The following STK4 variants were observed in gnomAD, a reference collection of about 807,000 sequenced individuals.
STK4 encodes serine/threonine kinase 4.
STK4 carries 30 observed loss-of-function variants against 64.9 expected under a neutral mutation model. The observed-to-expected ratio is 0.46, with a 90% CI of 0.35 to 0.63. The LOEUF (loss-of-function observed/expected upper bound fraction) is 0.63. Among genes scored for constraint, STK4 ranks in the 20% least tolerant of loss-of-function variants. The pLI, the probability that STK4 is intolerant of heterozygous loss-of-function variation, is 0.01. For synonymous variants in STK4, 177 were observed against 199.0 expected (o/e 0.89, Z 0.93); for missense variants, 466 against 598.5 (o/e 0.78, Z 2.31).
chr20:44,966,671 G>A (rs546836149), intron 1 of STK4, 68 bp downstream of exon 1: 62 of 1,255,356 alleles, frequency 4.9e-5, no homozygotes, highest in Admixed American at 8.4e-5. Context: ...CTGGTTGAGG[G>A]GATACACCTG....
At position 45,077,196 on chromosome 20, in the gene STK4, G is replaced by A. The variant is rs1302777714; in HGVS notation, c.*2020G>A. On this transcript the variant is annotated 3_prime_UTR_variant, in exon 11 of 11. Transcript: ENST00000372806. ...GGGGGTCAATATTTACACAAAAAAG[G>A]AAAGTCACAAGCCTGTTTAAAATGA... 2.0e-5 allele frequency: 3 copies of A among 151,996 alleles called. No individual in the cohort carries two copies. The highest frequency in any genetic ancestry group is 4.4e-5 in the Non-Finnish European group (3 of 68,020). The allele number at this position is 151,996 out of a possible 1,614,324, so 9.4% of individuals were successfully genotyped here.
At chr20:44,982,136 C>T (rs2067452813) in intron 4 of STK4, among the ~76,000 whole-genome samples, 193 bp downstream of exon 4, 1 of 142,068 alleles carries the variant, frequency 7.0e-6, no homozygotes. Context: ...TTTCAAGAGA[C>T]CAGAGTCCCC....
At chr20:45,025,504 T>C (rs1389512390) in intron 10 of STK4, among the ~76,000 whole-genome samples, 1 of 152,216 alleles carries the variant, frequency 6.6e-6, no homozygotes, top group South Asian at 2.1e-4. Flanking sequence ...TCCTTGTTGT[T>C]TTGCTAACTA....
chr20:45,010,209 G>A (rs572545948), intron 9 of STK4, among the ~76,000 whole-genome samples: 2 of 152,072 alleles, frequency 1.3e-5, no homozygotes, highest in Admixed American at 6.6e-5. Context: ...TGGGATTACA[G>A]GTGCATGCCA....
Position 44,978,482 on chromosome 20 carries a change from C to A in STK4, c.156C>A (p.Thr52=), listed in dbSNP as rs777154289. The change falls in exon 3 of 11, where the codon ACC becomes ACA. Residue 52 remains threonine (T), a synonymous_variant. Coordinates refer to ENST00000372806, the MANE Select transcript of STK4 (RefSeq NM_006282.5). The part of the protein sequence containing the change: ...GSVYKAIHKE[T]GQIVAIKQVP... ...TATACAAAGCTATTCATAAAGAGAC[C>A]GGCCAGATTGTTGCTATTAAGCAAG... 3 of 1,613,856 alleles carry A rather than the reference C, an allele frequency of 1.9e-6. No individual in the cohort carries two copies. Among genetic ancestry groups the A allele is most frequent in the Non-Finnish European group, 2.5e-6 (3 of 1,179,966 alleles).
intron 3 of STK4, 66 bp downstream of exon 3, chr20:44,978,637 T>C (rs1223112078): frequency 1.3e-6 from 2 of 1,547,130 alleles, no homozygotes. Context: ...GTGTAGAGTT[T>C]GATACCTAGA....
At chr20:45,040,913 C>T (rs912767683) in intron 10 of STK4, among the ~76,000 whole-genome samples, 1 of 152,132 alleles carries the variant, frequency 6.6e-6, no homozygotes, top group Admixed American at 6.5e-5. Context: ...TATAATTACT[C>T]ATTTGTTTTT....
intron 5 of STK4, among the ~76,000 whole-genome samples, chr20:44,992,176 T>G (rs1403206870): frequency 6.6e-6 from 1 of 151,954 alleles, no homozygotes; most frequent in Non-Finnish European, 1.5e-5. Context: ...GTTTCTATCT[T>G]TGATGTCATG....
At chr20:45,043,407 C>A (rs2068644073) in intron 10 of STK4, among the ~76,000 whole-genome samples, 1 of 152,188 alleles carries the variant, frequency 6.6e-6, no homozygotes, top group Non-Finnish European at 1.5e-5. Context: ...TAGTTAAGAT[C>A]ATTGGAATCA....
At chr20:45,045,900 G>A (rs897474119) in intron 10 of STK4, among the ~76,000 whole-genome samples, 10 of 151,842 alleles carry the variant, frequency 6.6e-5, no homozygotes, top group South Asian at 4.2e-4. Flanking sequence ...TCTGCCTCCC[G>A]GGTTCAAATG....
At position 45,077,360 on chromosome 20, in the gene STK4, A is replaced by AT. The variant is rs1980592741; in HGVS notation, c.*2187dup. 6.6e-6 allele frequency: 1 copy of AT among 151,940 alleles called. No homozygotes were observed. The highest frequency in any genetic ancestry group is 2.4e-5 in the African/African-American group (1 of 41,386). 9.4% of individuals were successfully genotyped at this position (151,940 alleles called of 1,614,324 possible). A position where few individuals can be genotyped will look rare whatever the true frequency, so the allele number is the denominator to read the frequency against. On this transcript the variant is annotated 3_prime_UTR_variant, in exon 11 of 11. Coordinates refer to ENST00000372806, the MANE Select transcript of STK4 (RefSeq NM_006282.5). ...CATCCAGGATGCACACCCCTGCACC[A>AT]TTTGCTGTGCGAATTAATAGTTCTG...
chr20:44,977,493 T>G (rs2067360471), intron 2 of STK4, among the ~76,000 whole-genome samples: 1 of 152,170 alleles, frequency 6.6e-6, no homozygotes, highest in Non-Finnish European at 1.5e-5. Flanking sequence ...AATGAAAATG[T>G]TATCTGTATA....
chr20:45,029,092 A>G (rs568884824), intron 10 of STK4, among the ~76,000 whole-genome samples: 1 of 152,326 alleles, frequency 6.6e-6, no homozygotes, highest in African/African-American at 2.4e-5. Flanking sequence ...TTTAAAAATT[A>G]GTTGCTTATG....
chr20:45,000,614 A>C, intron 8 of STK4, 94 bp downstream of exon 8: 1 of 1,550,760 alleles, frequency 6.4e-7, no homozygotes, highest in South Asian at 1.2e-5. Flanking sequence ...TATTGGATCA[A>C]CTTGGAGCTG....
chr20:44,992,262 A>AT (rs1477287621), intron 5 of STK4, among the ~76,000 whole-genome samples: 15 of 137,288 alleles, frequency 1.1e-4, no homozygotes, highest in Admixed American at 2.2e-4. Flanking sequence ...ATTTTATTTT[A>AT]TTTTATTTTT....
chr20:44,981,003 A>G (rs2067428549), intron 3 of STK4, among the ~76,000 whole-genome samples: 1 of 151,846 alleles, frequency 6.6e-6, no homozygotes, highest in South Asian at 2.1e-4. Context: ...TGATACACAT[A>G]TTCTTCCAAA....
At position 45,054,571 on chromosome 20, in the gene STK4, T is replaced by C. The variant is rs1400472421; in HGVS notation, c.1306-20447T>C. Reference sequence around the variant, plus strand: ...TGGGACACCCTATCTTTTTTTTTTTTTTTTTTCAAAAAAAAAAAAAAAGGA... The same window carrying C: ...TGGGACACCCTATCTTTTTTTTTTTCTTTTTTCAAAAAAAAAAAAAAAGGA... On this transcript the variant is annotated intron_variant, in intron 10 of 10. Transcript: ENST00000372806. 4.4e-4 allele frequency among the ~76,000 whole-genome samples: 65 copies of C among 149,206 alleles called. 1 individual carries two copies. The highest frequency in any genetic ancestry group is 6.9e-3 in the Middle Eastern group (2 of 290).
At chr20:45,014,297 G>A (rs1005747849) in intron 9 of STK4, among the ~76,000 whole-genome samples, 2 of 151,780 alleles carry the variant, frequency 1.3e-5, no homozygotes, top group Admixed American at 6.6e-5. Context: ...GTAGTGGGGC[G>A]TGCCTGTAAT....
At chr20:44,988,533 G>GTATATATATGTGTGTGTGTATA (rs2067574414) in intron 5 of STK4, among the ~76,000 whole-genome samples, 2 of 101,576 alleles carry the variant, frequency 2.0e-5, no homozygotes, top group Non-Finnish European at 3.5e-5. Flanking sequence ...ATGTGTGTGT[G>GTATATATATGTGTGTGTGTATA]TATATATATA....
Sources: allele counts gnomAD v4.1 joint callset (sites outside exome capture counted in the v4.1 genomes callset), GRCh38; gene constraint gnomAD v4.1.1; transcripts MANE v1.5; gene names NCBI Gene and HGNC (gene_info 2026-07-23, HGNC 2026-07-21).